Variants in DMD observed in about 807,000 individuals in gnomAD.
The protein encoded by DMD is dystrophin, also known as mutant dystrophin.
In DMD, 63 loss-of-function variants were observed where a neutral mutation model predicts 330.1. The ratio of observed to expected loss-of-function variants is 0.19; its 90% CI spans 0.16 to 0.24. The LOEUF is 0.24. Ranked by LOEUF, DMD falls within the 10% of genes least tolerant of loss-of-function variation. The probability of loss-of-function intolerance (pLI) is 1.00; values close to 1 mark genes in which losing one functional copy is unlikely to be tolerated. For synonymous variants in DMD, 1,223 were observed against 959.8 expected, an observed-to-expected ratio of 1.27 and a Z score of -5.07; for missense variants, 3,344 against 2,684.1, an observed-to-expected ratio of 1.25 and a Z score of -5.43.
chrX:31,483,315 G>A (rs1246983929), intron 57 of DMD, among the ~76,000 whole-genome samples: 2 of 111,394 alleles, frequency 1.8e-5, no homozygotes, highest in Non-Finnish European at 3.8e-5. Context: ...CAAAGTGCTG[G>A]GATTACAGGC....
chrX:33,069,066 T>C (rs2094706006), intron 1 of DMD, among the ~76,000 whole-genome samples: 1 of 112,101 alleles, frequency 8.9e-6, no homozygotes, highest in African/African-American at 3.2e-5. Flanking sequence ...AGGTAATCTC[T>C]GTTTATAGGT....
intron 54 of DMD, among the ~76,000 whole-genome samples, chrX:31,647,558 T>C: frequency 8.9e-6 from 1 of 112,301 alleles, no homozygotes; most frequent in Non-Finnish European, 1.9e-5. Flanking sequence ...TGGAGGGTTT[T>C]TTCGTTTACA....
In DMD at chrX:31,929,593, A is replaced by C. The variant is rs1432930245; in HGVS notation, c.6912+3T>G. ...GTGACGGAAGAGATGGTTAATGTCT[A>C]ACCTTTATCCACTGGAGATTTGTCT... On this transcript the variant is annotated splice_donor_region_variant and intron_variant, in intron 47 of 78. Transcript: ENST00000357033. 8.3e-7 allele frequency: 1 copy of C among 1,210,722 alleles called. No individual in the cohort carries two copies. Among genetic ancestry groups the C allele is most frequent in the Non-Finnish European group, 1.1e-6 (1 of 894,930 alleles).
chrX:32,263,544 G>T lies in DMD; in HGVS notation c.6290+23985C>A, dbSNP rs1008991133. On this transcript the variant is annotated intron_variant, in intron 43 of 78. Transcript: ENST00000357033. The stretch of plus-strand genomic sequence containing the variant: ...ATTAAATGATACAGGTAACATATAT[G>T]GAATTAACTATATGCTAACTGTAGC... 2.7e-5 allele frequency among the ~76,000 whole-genome samples: 3 copies of T among 112,106 alleles called. No individual in the cohort carries two copies. The East Asian group carries it at 8.4e-4, about 31-fold the overall frequency.
chrX:31,721,702 CTCTCTCTCTCTCTCTCTA>C (rs1426966190), intron 52 of DMD, among the ~76,000 whole-genome samples: 9,508 of 57,356 alleles, frequency 0.17, 648 homozygotes, highest in Admixed American at 0.39. Flanking sequence ...CTCTCTCTCT[CTCTCTCTCTCTCTCTCTA>C]TATATATATA....
intron 7 of DMD, among the ~76,000 whole-genome samples, chrX:32,783,116 C>G (rs1257277684): frequency 1.0e-5 from 1 of 98,171 alleles, no homozygotes; most frequent in Non-Finnish European, 2.0e-5. Flanking sequence ...ACACACACAC[C>G]ATATGTATAT....
At chrX:33,051,472 G>A (rs2094455564) in intron 1 of DMD, among the ~76,000 whole-genome samples, 2 of 108,510 alleles carry the variant, frequency 1.8e-5, no homozygotes, top group South Asian at 8.1e-4. Flanking sequence ...TCTAACTCCC[G>A]AAGTGCTGGG....
At chrX:33,062,752 C>A (rs1321250354) in intron 1 of DMD, among the ~76,000 whole-genome samples, 1 of 112,946 alleles carries the variant, frequency 8.9e-6, no homozygotes, top group East Asian at 2.8e-4. Context: ...GCTGGGATAA[C>A]AGGCGTGCGC....
chrX:31,911,503 T>G (rs753148119), intron 47 of DMD, among the ~76,000 whole-genome samples: 68 of 70,393 alleles, frequency 9.7e-4, no homozygotes, highest in Non-Finnish European at 1.4e-4. Flanking sequence ...ATTTCTCACT[T>G]TTTTTTTTTT....
At chrX:31,725,405 A>T (rs1168192588) in intron 52 of DMD, among the ~76,000 whole-genome samples, 1 of 110,994 alleles carries the variant, frequency 9.0e-6, no homozygotes, top group Admixed American at 9.6e-5. Flanking sequence ...TGGGGGGCGA[A>T]ATAACTAAAC....
chrX:31,832,868 A>C (rs1450656067), intron 49 of DMD, among the ~76,000 whole-genome samples: 5 of 112,269 alleles, frequency 4.5e-5, no homozygotes, highest in Admixed American at 9.5e-5. Flanking sequence ...CTGAAAGTGT[A>C]GTTTTCCAAC....
At chrX:32,433,953 C>A (rs182356963) in intron 29 of DMD, among the ~76,000 whole-genome samples, 7 of 111,844 alleles carry the variant, frequency 6.3e-5, no homozygotes, top group African/African-American at 2.3e-4. Context: ...TCTTTCAAAT[C>A]ATTACTGTGA....
intron 4 of DMD, among the ~76,000 whole-genome samples, chrX:32,825,418 A>T (rs935148144): frequency 2.7e-5 from 3 of 111,614 alleles, no homozygotes; most frequent in Non-Finnish European, 5.7e-5. Context: ...CTCAGACCTG[A>T]TAAAGGAAAG....
chrX:32,089,313 T>C (rs1603624661), intron 44 of DMD, among the ~76,000 whole-genome samples: 1 of 111,658 alleles, frequency 9.0e-6, no homozygotes, highest in African/African-American at 3.3e-5. Context: ...GGTTCAGGGG[T>C]ACACGTGCAG....
Position 32,390,090 on chromosome X carries a change from G to A in DMD, c.4325C>T (p.Ser1442Phe). The A allele has an allele frequency of 8.3e-7, 1 of 1,207,076 alleles. No homozygotes were observed. The highest frequency in any genetic ancestry group is 1.1e-6 in the Non-Finnish European group (1 of 891,356). Residue 1442 changes from serine (S) to phenylalanine (F), a missense_variant, in exon 31 of 79, where the codon TCT becomes TTT. Transcript: ENST00000357033. ...QGKEAAQRVL[S>F]QIDVAQKKLQ... The stretch of plus-strand genomic sequence containing the variant: ...ATATACCTGTGCAACATCAATCTGA[G>A]ACAGGACTCTTTGGGCAGCCTCCTT...
rs1219697637 is a variant in DMD, at chrX:31,510,553, G to T, written c.8218-3100C>A. Among the ~76,000 whole-genome samples, 8 of 98,670 alleles carry T rather than the reference G, an allele frequency of 8.1e-5. No homozygotes were observed. In the Admixed American group the frequency reaches 9.5e-4, roughly 12 times the overall value. The allele number at this position is 98,670 out of a possible 115,157, so 85.7% of individuals were successfully genotyped here. ...GACAGAGTCTCGCTCTGTCACCCAG[G>T]CTGGAGCACAGTGGCGCGATCTTGG... On this transcript the variant is annotated intron_variant, in intron 55 of 78. Coordinates refer to ENST00000357033, the MANE Select transcript of DMD (RefSeq NM_004006.3).
At position 32,569,468 on chromosome X, in the gene DMD, G is replaced by C. The variant is rs747703096; in HGVS notation, c.1813-3587C>G. Among the ~76,000 whole-genome samples, 119 of 111,763 alleles carry C rather than the reference G, an allele frequency of 1.1e-3. 1 individual carries two copies. The highest frequency in any genetic ancestry group is 1.6e-3 in the Non-Finnish European group (87 of 53,125). ...AAAGAACATCAGAATTACCTGAAAGGCTTGTTAGAATGCAGATGACTAGGC... is the reference window on the plus strand; with the variant it reads ...AAAGAACATCAGAATTACCTGAAAGCCTTGTTAGAATGCAGATGACTAGGC... On this transcript the variant is annotated intron_variant, in intron 15 of 78. Transcript: ENST00000357033.
intron 7 of DMD, chrX:32,756,443 A>G (rs1238038568): frequency 8.9e-6 from 1 of 112,000 alleles, no homozygotes; most frequent in Non-Finnish European, 1.9e-5. Context: ...TAAAATCGCT[A>G]AAAACCAAAA....
intron 1 of DMD, among the ~76,000 whole-genome samples, chrX:33,247,484 G>T (rs2148894612): frequency 9.0e-6 from 1 of 111,617 alleles, no homozygotes; most frequent in African/African-American, 3.2e-5. Context: ...ATGTTTAGAA[G>T]AATGAGAAGT....
Sources: allele counts gnomAD v4.1 joint callset (sites outside exome capture counted in the v4.1 genomes callset), GRCh38; gene constraint gnomAD v4.1.1; transcripts MANE v1.5; gene names NCBI Gene and HGNC (gene_info 2026-07-23, HGNC 2026-07-21).